Variants in TCERG1L observed in about 807,000 individuals in gnomAD.
TCERG1L encodes the protein transcription elongation regulator 1-like protein.
A neutral mutation model predicts 56.3 loss-of-function variants in TCERG1L; 37 were observed. The observed-to-expected ratio is 0.66, with a 90% confidence interval of 0.51 to 0.87. The LOEUF (loss-of-function observed/expected upper bound fraction) is 0.87, where lower values mean the gene tolerates loss of function less well. Among genes scored for constraint, TCERG1L ranks in the 40% least tolerant of loss-of-function variants. TCERG1L has a pLI of 0.00. For synonymous variants in TCERG1L, 324 were observed against 326.3 expected (o/e 0.99, Z 0.08); for missense variants, 799 against 774.2 (o/e 1.03, Z -0.38).
chr10:131,263,176 G>A (rs1265323606), intron 3 of TCERG1L, among the ~76,000 whole-genome samples: 3 of 152,104 alleles, frequency 2.0e-5, no homozygotes, highest in Non-Finnish European at 4.4e-5. Context: ...GGGAGTTCCT[G>A]TTGTTCCACA....
At chr10:131,276,174 GTCC>G (rs1279265120) in intron 3 of TCERG1L, among the ~76,000 whole-genome samples, 1 of 152,154 alleles carries the variant, frequency 6.6e-6, no homozygotes, top group Non-Finnish European at 1.5e-5. Flanking sequence ...ACTTCCAAGG[GTCC>G]TCCTGATATG....
intron 8 of TCERG1L, among the ~76,000 whole-genome samples, chr10:131,119,845 G>A (rs74944444): frequency 0.047 from 7,165 of 152,272 alleles, 291 homozygotes; most frequent in East Asian, 0.2. Flanking sequence ...TGCAGGCTGC[G>A]AGCCAGGGAG....
At chr10:131,096,716 T>C (rs778616832) in intron 11 of TCERG1L, among the ~76,000 whole-genome samples, 4 of 152,132 alleles carry the variant, frequency 2.6e-5, no homozygotes, top group East Asian at 1.9e-4. Context: ...CTGGCTAACA[T>C]GGTGAAACCC....
chr10:131,270,153 C>T (rs2133552205), intron 3 of TCERG1L, among the ~76,000 whole-genome samples: 1 of 152,312 alleles, frequency 6.6e-6, no homozygotes, highest in South Asian at 2.1e-4. Flanking sequence ...CAGATGGCAC[C>T]TGGCTCTGGG....
At chr10:131,290,914 T>G (rs1846612627) in intron 3 of TCERG1L, among the ~76,000 whole-genome samples, 1 of 152,212 alleles carries the variant, frequency 6.6e-6, no homozygotes, top group Non-Finnish European at 1.5e-5. Context: ...TTGGCTTATT[T>G]AAAGGATCTA....
At chr10:131,143,715 T>G (rs1045186385) in intron 7 of TCERG1L, among the ~76,000 whole-genome samples, 1 of 152,042 alleles carries the variant, frequency 6.6e-6, no homozygotes, top group Non-Finnish European at 1.5e-5. Context: ...CCCTCCAAAC[T>G]GAAGTGTTGG....
chr10:131,291,401 CTT>C (rs71009957), intron 3 of TCERG1L, among the ~76,000 whole-genome samples: 5 of 36,590 alleles, frequency 1.4e-4, no homozygotes, highest in African/African-American at 3.0e-4. Context: ...AACAGCATTT[CTT>C]TTTTTTTTTT....
At chr10:131,097,200 CAA>C (rs1161006867) in intron 11 of TCERG1L, among the ~76,000 whole-genome samples, 31,854 of 90,786 alleles carry the variant, frequency 0.35, 3,296 homozygotes, top group Middle Eastern at 0.49. Flanking sequence ...GGGTCTGTCT[CAA>C]AAAAAAAAAA....
intron 3 of TCERG1L, among the ~76,000 whole-genome samples, chr10:131,302,418 T>G (rs1272626477): frequency 2.0e-5 from 3 of 151,902 alleles, no homozygotes; most frequent in Admixed American, 2.0e-4. Flanking sequence ...ATATATTGAC[T>G]TATTTTCCAA....
rs973373197 is a variant in TCERG1L, at chr10:131,253,361, C to A, written c.856+6898G>T. On this transcript the variant is annotated intron_variant, in intron 4 of 11. Coordinates refer to ENST00000368642, the MANE Select transcript of TCERG1L (RefSeq NM_174937.4). ...TGTACTGGGATTTAGGTAAACTGGTCTTCAGTGGCCTTCGACCCTGCCCCC... is the reference window on the plus strand; with the variant it reads ...TGTACTGGGATTTAGGTAAACTGGTATTCAGTGGCCTTCGACCCTGCCCCC... Among the ~76,000 whole-genome samples, 13 of 151,798 alleles carry A rather than the reference C, an allele frequency of 8.6e-5. No individual in the cohort carries two copies. In the East Asian group the frequency reaches 2.3e-3, roughly 27 times the overall value.
At chr10:131,250,778 C>G (rs1033912415) in intron 4 of TCERG1L, among the ~76,000 whole-genome samples, 2 of 152,196 alleles carry the variant, frequency 1.3e-5, no homozygotes, top group African/African-American at 4.8e-5. Flanking sequence ...TATGAGCTCA[C>G]TCAGCCTTCT....
intron 4 of TCERG1L, among the ~76,000 whole-genome samples, chr10:131,241,879 G>T (rs772454676): frequency 6.6e-6 from 1 of 151,556 alleles, no homozygotes; most frequent in African/African-American, 2.4e-5. Context: ...CACAATTACC[G>T]CAGCATTTCT....
intron 11 of TCERG1L, among the ~76,000 whole-genome samples, chr10:131,094,401 T>G (rs1845219755): frequency 6.6e-6 from 1 of 152,232 alleles, no homozygotes; most frequent in Non-Finnish European, 1.5e-5. Context: ...ACGGAATTAT[T>G]GTGTTAAATT....
intron 7 of TCERG1L, among the ~76,000 whole-genome samples, chr10:131,138,096 C>T (rs1045013842): frequency 8.5e-5 from 13 of 152,114 alleles, no homozygotes; most frequent in African/African-American, 3.1e-4. Flanking sequence ...TGGTGAAACC[C>T]CGTCTCTACC....
At chr10:131,151,094 G>C (rs1241432291) in intron 6 of TCERG1L, among the ~76,000 whole-genome samples, 1 of 152,118 alleles carries the variant, frequency 6.6e-6, no homozygotes. Flanking sequence ...GTGAGATTTG[G>C]GTGGGGACAC....
intron 7 of TCERG1L, among the ~76,000 whole-genome samples, chr10:131,136,762 C>G (rs1433520139): frequency 6.6e-6 from 1 of 151,842 alleles, no homozygotes; most frequent in African/African-American, 2.4e-5. Flanking sequence ...TTCCATAATG[C>G]TGGGATTACA....
intron 6 of TCERG1L, among the ~76,000 whole-genome samples, chr10:131,148,585 CACAG>C (rs750070009): frequency 4.0e-4 from 57 of 144,090 alleles, no homozygotes; most frequent in Admixed American, 5.5e-4. Context: ...AATACAGACA[CACAG>C]ACACACATGC....
At chr10:131,223,826 C>T (rs1044620065) in intron 4 of TCERG1L, among the ~76,000 whole-genome samples, 8 of 151,938 alleles carry the variant, frequency 5.3e-5, no homozygotes, top group East Asian at 3.9e-4. Flanking sequence ...CACGCACCCA[C>T]GAACCCTCCC....
At chr10:131,114,960 C>T (rs915486037) in intron 9 of TCERG1L, among the ~76,000 whole-genome samples, 4 of 152,248 alleles carry the variant, frequency 2.6e-5, no homozygotes, top group African/African-American at 9.6e-5. Context: ...TCCACAAGGG[C>T]CGTGCAGTCC....
Sources: allele counts gnomAD v4.1 joint callset (sites outside exome capture counted in the v4.1 genomes callset), GRCh38; gene constraint gnomAD v4.1.1; transcripts MANE v1.5; gene names NCBI Gene and HGNC (gene_info 2026-07-23, HGNC 2026-07-21).